The following NALCN variants were observed in gnomAD, a reference collection of about 807,000 sequenced individuals.
The protein encoded by NALCN is sodium leak channel NALCN.
A neutral mutation model predicts 225.3 loss-of-function variants in NALCN; 111 were observed. The observed-to-expected ratio is 0.49, with a 90% confidence interval of 0.42 to 0.58. The LOEUF (loss-of-function observed/expected upper bound fraction) is 0.58, where lower values mean the gene tolerates loss of function less well. NALCN is among the 20% of genes least tolerant of loss of function. The probability of loss-of-function intolerance (pLI) is 0.00; values close to 1 mark genes in which losing one functional copy is unlikely to be tolerated. For missense variants in NALCN, 1,378 were observed against 2,202.4 expected, an observed-to-expected ratio of 0.63 and a Z score of 7.49; for synonymous variants, 764 against 769.0, an observed-to-expected ratio of 0.99 and a Z score of 0.11.
chr13:101,171,634 G>T lies in NALCN; in HGVS notation c.1839+4666C>A, dbSNP rs553848532. Among the ~76,000 whole-genome samples, 21 of 152,206 alleles carry T rather than the reference G, an allele frequency of 1.4e-4. No individual in the cohort carries two copies. In the South Asian group the frequency reaches 3.5e-3, roughly 26 times the overall value. ...GAAGGCAATAGAGGAATTTCATATG[G>T]TTATATGATTGAGGTGAGTTTTTGG... On this transcript the variant is annotated intron_variant, in intron 15 of 43. Coordinates refer to ENST00000251127, the MANE Select transcript of NALCN (RefSeq NM_052867.4).
At chr13:101,385,440 A>G (rs897638765) in intron 3 of NALCN, among the ~76,000 whole-genome samples, 18 of 130,478 alleles carry the variant, frequency 1.4e-4, no homozygotes, top group Non-Finnish European at 2.4e-4. Flanking sequence ...GCCCTTTCAT[A>G]AAAAAAAAGA....
chr13:101,361,153 A>G (rs1338037428), intron 6 of NALCN, among the ~76,000 whole-genome samples: 1 of 152,152 alleles, frequency 6.6e-6, no homozygotes. Flanking sequence ...CTAAAAATTA[A>G]TTTTCAAAAT....
At chr13:101,256,317 C>A (rs2042227476) in intron 11 of NALCN, among the ~76,000 whole-genome samples, 1 of 152,110 alleles carries the variant, frequency 6.6e-6, no homozygotes, top group Admixed American at 6.5e-5. Context: ...CATTCTCCTC[C>A]CATTTCCACA....
At chr13:101,209,101 T>C (rs2140068896) in intron 13 of NALCN, among the ~76,000 whole-genome samples, 1 of 152,306 alleles carries the variant, frequency 6.6e-6, no homozygotes, top group Middle Eastern at 3.4e-3. Context: ...GTCCATAATT[T>C]TCCTTAATGA....
At position 101,321,445 on chromosome 13, in the gene NALCN, A is replaced by G. The variant is rs988803747; in HGVS notation, c.799+23821T>C. On this transcript the variant is annotated intron_variant, in intron 7 of 43. Coordinates refer to ENST00000251127, the MANE Select transcript of NALCN (RefSeq NM_052867.4). The stretch of plus-strand genomic sequence containing the variant: ...AAATTTACAAGTTTCATTATATCAA[A>G]TATTGACATGCTAAGAGGAAAACAG... Among the ~76,000 whole-genome samples, 40 of 152,212 alleles carry G rather than the reference A, an allele frequency of 2.6e-4. 1 individual carries two copies. The highest frequency in any genetic ancestry group is 5.9e-5 in the Non-Finnish European group (4 of 68,024).
At position 101,163,764 on chromosome 13, in the gene NALCN, C is replaced by T. The variant is rs74117658; in HGVS notation, c.1839+12536G>A. Among the ~76,000 whole-genome samples the T allele has an allele frequency of 8.3e-3, 1,265 of 152,092 alleles. 21 individuals are homozygous for T. Among genetic ancestry groups the T allele is most frequent in the African/African-American group, 0.029 (1,206 of 41,486 alleles). The stretch of plus-strand genomic sequence containing the variant: ...TGGAGGTGTGTTAGTTGTCTAGGGC[C>T]GCTGCCACAAAGTTCCAAAAAACTG... On this transcript the variant is annotated intron_variant, in intron 15 of 43. Transcript: ENST00000251127.
intron 7 of NALCN, among the ~76,000 whole-genome samples, chr13:101,343,994 A>G (rs2045638543): frequency 6.6e-6 from 1 of 152,172 alleles, no homozygotes; most frequent in African/African-American, 2.4e-5. Context: ...ACATGGATAC[A>G]CTCAGACCCT....
rs550548584 is a variant in NALCN at position 101,098,631 on chromosome 13, G to A, written c.3162+2153C>T. Reference sequence around the variant, plus strand: ...CTATGGGCGCAGCAACTGAAGCTTCGTTGTCTTTAACAGGAACTGTGTGTG... The same window carrying A: ...CTATGGGCGCAGCAACTGAAGCTTCATTGTCTTTAACAGGAACTGTGTGTG... On this transcript the variant is annotated intron_variant, in intron 27 of 43. Transcript: ENST00000251127. 6.6e-5 allele frequency among the ~76,000 whole-genome samples: 10 copies of A among 152,258 alleles called. No individual in the cohort carries two copies. In the South Asian group the frequency reaches 1.0e-3, roughly 16 times the overall value.
intron 15 of NALCN, among the ~76,000 whole-genome samples, chr13:101,167,735 G>T (rs1446463466): frequency 1.1e-5 from 1 of 88,774 alleles, no homozygotes; most frequent in African/African-American, 3.2e-5. Context: ...CTACTTGGTA[G>T]ACTGAGGCAG....
In NALCN at chr13:101,073,659, C is replaced by T. The variant is rs139869457; in HGVS notation, c.4122G>A (p.Ser1374=). 1.1e-5 allele frequency: 17 copies of T among 1,610,778 alleles called. No homozygotes were observed. Among genetic ancestry groups the T allele is most frequent in the African/African-American group, 9.4e-5 (7 of 74,544 alleles). Residue 1374 remains serine, a synonymous_variant, in exon 37 of 44, where the codon TCG becomes TCA. Transcript: ENST00000251127. The part of the protein sequence containing the change: ...ENINRHANFS[S]AGKAITVLFR... ...ACAGTACGGTAATAGCTTTTCCAGC[C>T]GAAGAAAAATTTGCATGCCTAATTT... is the stretch of plus-strand genomic sequence containing the variant.
At chr13:101,280,884 T>C (rs865983865) in intron 10 of NALCN, among the ~76,000 whole-genome samples, 5 of 59,268 alleles carry the variant, frequency 8.4e-5, no homozygotes, top group African/African-American at 7.1e-5. Context: ...CTCTCTCTCT[T>C]TTTTTTTTTT....
At chr13:101,180,196 C>A (rs1211416674) in intron 14 of NALCN, among the ~76,000 whole-genome samples, 1 of 144,238 alleles carries the variant, frequency 6.9e-6, no homozygotes, top group East Asian at 2.0e-4. Flanking sequence ...CTATACTCTC[C>A]ACCTGGTCTT....
chr13:101,123,210 C>T (rs914255171), intron 18 of NALCN, among the ~76,000 whole-genome samples: 52 of 152,244 alleles, frequency 3.4e-4, no homozygotes, highest in African/African-American at 1.1e-3. Context: ...GGCCCATTCA[C>T]ACTGCAAGGC....
chr13:101,067,534 C>A (rs893312243), intron 39 of NALCN, among the ~76,000 whole-genome samples: 1 of 152,150 alleles, frequency 6.6e-6, no homozygotes, highest in Non-Finnish European at 1.5e-5. Flanking sequence ...TAAATAACTC[C>A]TTTGTACTTT....
intron 7 of NALCN, among the ~76,000 whole-genome samples, chr13:101,295,999 A>C (rs574893889): frequency 1.3e-5 from 2 of 152,204 alleles, no homozygotes; most frequent in Non-Finnish European, 2.9e-5. Context: ...CTTCTTTTGC[A>C]CAGTCCCGCT....
intron 11 of NALCN, among the ~76,000 whole-genome samples, chr13:101,254,482 C>T (rs894303770): frequency 6.6e-6 from 1 of 151,674 alleles, no homozygotes; most frequent in Non-Finnish European, 1.5e-5. Context: ...CTGATGGGGT[C>T]TATCTGGTTG....
At chr13:101,147,881 T>G (rs2037436369) in intron 15 of NALCN, among the ~76,000 whole-genome samples, 1 of 152,098 alleles carries the variant, frequency 6.6e-6, no homozygotes, top group East Asian at 1.9e-4. Context: ...GGCCCTCTGC[T>G]GGCCCTCTGC....
rs1252826520 is a variant in NALCN at position 101,059,682 on chromosome 13, T to TG, written c.4905+135_4905+136insC. 6.2e-6 allele frequency: 5 copies of TG among 807,746 alleles called. No individual in the cohort carries two copies. In the South Asian group the frequency reaches 8.6e-5, roughly 14 times the overall value. 50.0% of individuals were successfully genotyped at this position (807,746 alleles called of 1,614,324 possible). A position where few individuals can be genotyped will look rare whatever the true frequency, so the allele number is the denominator to read the frequency against. ...CAATGGATTTCCGTTGCCTTTTTTT[T>TG]TTTTAATGAAAATATTCCTATTAGA... On this transcript the variant is annotated intron_variant, in intron 42 of 43. Transcript: ENST00000251127.
chr13:101,400,391 A>G (rs993055388), intron 1 of NALCN, among the ~76,000 whole-genome samples: 4 of 152,132 alleles, frequency 2.6e-5, no homozygotes, highest in Non-Finnish European at 2.9e-5. Flanking sequence ...GGCAAAAAAA[A>G]GAGGCTGAGT....
Sources: allele counts gnomAD v4.1 joint callset (sites outside exome capture counted in the v4.1 genomes callset), GRCh38; gene constraint gnomAD v4.1.1; transcripts MANE v1.5; gene names NCBI Gene and HGNC (gene_info 2026-07-23, HGNC 2026-07-21).